The following ULK4 variants were observed in gnomAD, a reference collection of about 807,000 sequenced individuals.
The protein encoded by ULK4 is inactive serine/threonine-protein kinase ULK4.
ULK4 carries 133 observed loss-of-function variants against 160.6 expected under a neutral mutation model. The ratio of observed to expected loss-of-function variants is 0.83; its 90% confidence interval spans 0.72 to 0.96. The LOEUF (loss-of-function observed/expected upper bound fraction) is 0.96. Among genes scored for constraint, ULK4 ranks in the 40% least tolerant of loss-of-function variants. The pLI is 0.00. For synonymous variants in ULK4, 534 were observed against 539.8 expected (o/e 0.99, Z 0.15); for missense variants, 1,580 against 1,499.5 (o/e 1.05, Z -0.89).
intron 21 of ULK4, among the ~76,000 whole-genome samples, chr3:41,786,598 C>CAAAAAAAAAAAAAAAAAAA (rs34207417): frequency 1.6e-5 from 1 of 64,140 alleles, no homozygotes; most frequent in Non-Finnish European, 3.8e-5. Context: ...ATCCTGTCTC[C>CAAAAAAAAAAAAAAAAAAA]AAAAAAAAAA....
intron 35 of ULK4, among the ~76,000 whole-genome samples, chr3:41,321,466 G>A (rs1275421548): frequency 6.6e-6 from 1 of 152,088 alleles, no homozygotes; most frequent in East Asian, 1.9e-4. Context: ...TATCTGCTAT[G>A]ATTGTGTTAC....
intron 25 of ULK4, among the ~76,000 whole-genome samples, chr3:41,711,775 T>C (rs560109790): frequency 5.9e-5 from 9 of 152,360 alleles, no homozygotes; most frequent in East Asian, 5.8e-4. Context: ...ATAGGAAATA[T>C]AGTGAATGTT....
intron 22 of ULK4, among the ~76,000 whole-genome samples, chr3:41,718,455 C>T (rs914297504): frequency 2.0e-5 from 3 of 152,222 alleles, no homozygotes; most frequent in African/African-American, 7.2e-5. Context: ...TCTGAACCAA[C>T]CACTTCCAAC....
intron 32 of ULK4, among the ~76,000 whole-genome samples, chr3:41,512,139 A>T (rs1424702351): frequency 6.6e-6 from 1 of 152,228 alleles, no homozygotes; most frequent in Non-Finnish European, 1.5e-5. Context: ...TAAGGCAATA[A>T]AAAGTCATCT....
At chr3:41,330,695 T>C (rs1201784651) in intron 35 of ULK4, among the ~76,000 whole-genome samples, 1 of 152,182 alleles carries the variant, frequency 6.6e-6, no homozygotes, top group Non-Finnish European at 1.5e-5. Context: ...GAAAGACCTT[T>C]TATTATGGTA....
At chr3:41,739,654 T>C (rs1036753681) in intron 22 of ULK4, among the ~76,000 whole-genome samples, 2 of 151,884 alleles carry the variant, frequency 1.3e-5, no homozygotes, top group Non-Finnish European at 2.9e-5. Context: ...AGCACATGCA[T>C]GTTCACTAAC....
chr3:41,771,110 T>G (rs899898191), intron 21 of ULK4, among the ~76,000 whole-genome samples: 4 of 152,196 alleles, frequency 2.6e-5, no homozygotes, highest in African/African-American at 9.7e-5. Context: ...ACCATAAGAA[T>G]AGCTCACTCC....
At chr3:41,410,539 A>G (rs541100044) in intron 34 of ULK4, among the ~76,000 whole-genome samples, 1 of 152,290 alleles carries the variant, frequency 6.6e-6, no homozygotes, top group East Asian at 1.9e-4. Flanking sequence ...ATGACTTTTA[A>G]TGAGTATGAG....
intron 34 of ULK4, among the ~76,000 whole-genome samples, chr3:41,438,064 A>G (rs1362064409): frequency 6.6e-6 from 1 of 151,764 alleles, no homozygotes; most frequent in East Asian, 1.9e-4. Flanking sequence ...CCAAACGAAA[A>G]TAACTTTATC....
intron 35 of ULK4, among the ~76,000 whole-genome samples, chr3:41,359,087 C>A (rs146653938): frequency 6.6e-6 from 1 of 152,268 alleles, no homozygotes; most frequent in African/African-American, 2.4e-5. Context: ...GCTCAGAGTT[C>A]ACCCTACTGA....
chr3:41,267,020 G>GA (rs1422269566), intron 35 of ULK4, among the ~76,000 whole-genome samples: 1 of 130,952 alleles, frequency 7.6e-6, no homozygotes, highest in East Asian at 2.3e-4. Context: ...GTCTCTATTG[G>GA]GGGGGGGGGG....
At chr3:41,341,928 A>G (rs567199727) in intron 35 of ULK4, among the ~76,000 whole-genome samples, 2 of 152,356 alleles carry the variant, frequency 1.3e-5, no homozygotes, top group Admixed American at 6.5e-5. Context: ...TCACAAAGTC[A>G]AAAAGGAGCT....
chr3:41,547,236 A>G (rs2086894336), intron 32 of ULK4, among the ~76,000 whole-genome samples: 1 of 152,210 alleles, frequency 6.6e-6, no homozygotes, highest in East Asian at 1.9e-4. Context: ...AAAACTAGAA[A>G]TATCTGGGAG....
intron 18 of ULK4, among the ~76,000 whole-genome samples, chr3:41,826,426 G>C (rs2041355213): frequency 6.7e-6 from 1 of 148,858 alleles, no homozygotes; most frequent in African/African-American, 2.5e-5. Context: ...CTCATGTGCA[G>C]AGACACACAT....
At chr3:41,865,703 A>G (rs542685342) in intron 17 of ULK4, among the ~76,000 whole-genome samples, 3 of 152,328 alleles carry the variant, frequency 2.0e-5, no homozygotes, top group South Asian at 4.1e-4. Flanking sequence ...TGCTCATTAA[A>G]TATTTGTTGA....
At chr3:41,333,542 C>T (rs1123522) in intron 35 of ULK4, among the ~76,000 whole-genome samples, 24,879 of 152,096 alleles carry the variant, frequency 0.16, 2,549 homozygotes, top group African/African-American at 0.28. Context: ...GTGTCTGCTA[C>T]CTTTTTAGTC....
intron 17 of ULK4, among the ~76,000 whole-genome samples, chr3:41,858,583 C>T (rs1370591953): frequency 2.7e-5 from 4 of 148,574 alleles, no homozygotes; most frequent in Admixed American, 2.0e-4. Context: ...ACCTCCACTT[C>T]CTGGACTCAA....
chr3:41,859,539 G>A (rs376154475), intron 17 of ULK4: 13 of 543,484 alleles, frequency 2.4e-5, no homozygotes, highest in East Asian at 1.0e-4. Context: ...AGAAGCCAAC[G>A]AAGCCCCAGA....
At chr3:41,335,590 A>C (rs2125744982) in intron 35 of ULK4, among the ~76,000 whole-genome samples, 1 of 152,316 alleles carries the variant, frequency 6.6e-6, no homozygotes, top group South Asian at 2.1e-4. Flanking sequence ...TAAGAAAATT[A>C]TGGCCTGTGA....
Sources: gnomAD v4.1 joint callset for allele counts (sites outside exome capture counted in the v4.1 genomes callset) on GRCh38, gnomAD v4.1.1 for gene constraint, MANE v1.5 for transcripts, NCBI Gene and HGNC (gene_info 2026-07-23, HGNC 2026-07-21) for gene names.